The following OPCML variants were observed in gnomAD, a reference collection of about 807,000 sequenced individuals.
OPCML encodes the protein opioid-binding protein/cell adhesion molecule.
In OPCML, 13 loss-of-function variants were observed where a neutral mutation model predicts 37.8. That is an observed-to-expected ratio of 0.34 (90% CI 0.22 to 0.55). OPCML has a LOEUF of 0.55. Ranked by LOEUF, OPCML falls within the 20% of genes least tolerant of loss-of-function variation. OPCML has a pLI of 0.91. For missense variants in OPCML, 341 were observed against 435.6 expected (o/e 0.78, Z 1.93); for synonymous variants, 176 against 168.8 (o/e 1.04, Z -0.33).
At chr11:132,765,679 T>G (rs1003493345) in intron 2 of OPCML, among the ~76,000 whole-genome samples, 1 of 152,232 alleles carries the variant, frequency 6.6e-6, no homozygotes, top group African/African-American at 2.4e-5. Context: ...AATATGAGTG[T>G]GATGGTGATG....
At chr11:132,432,264 C>G (rs571280538) in intron 7 of OPCML, among the ~76,000 whole-genome samples, 1 of 152,172 alleles carries the variant, frequency 6.6e-6, no homozygotes, top group Non-Finnish European at 1.5e-5. Flanking sequence ...GTCTAGTACC[C>G]TGTACACAGT....
At chr11:133,092,213 G>T (rs1433783280) in intron 1 of OPCML, among the ~76,000 whole-genome samples, 1 of 152,128 alleles carries the variant, frequency 6.6e-6, no homozygotes, top group Non-Finnish European at 1.5e-5. Context: ...CCAACCTCTC[G>T]GCACCTTGTT....
chr11:133,456,710 A>G (rs1417221765), intron 1 of OPCML, among the ~76,000 whole-genome samples: 1 of 152,102 alleles, frequency 6.6e-6, no homozygotes, highest in East Asian at 1.9e-4. Flanking sequence ...AATAATATCA[A>G]CAAAGAGACA....
At chr11:133,281,264 A>G (rs1374547128) in intron 1 of OPCML, among the ~76,000 whole-genome samples, 1 of 151,938 alleles carries the variant, frequency 6.6e-6, no homozygotes, top group Non-Finnish European at 1.5e-5. Flanking sequence ...GCCTGGTGGG[A>G]GGGGTTTTGA....
At chr11:132,546,693 G>A (rs1281153963) in intron 3 of OPCML, among the ~76,000 whole-genome samples, 1 of 152,078 alleles carries the variant, frequency 6.6e-6, no homozygotes, top group Non-Finnish European at 1.5e-5. Context: ...TAAGCTATTC[G>A]TACTTCACCT....
intron 1 of OPCML, among the ~76,000 whole-genome samples, chr11:133,011,793 G>A (rs1379384213): frequency 6.6e-6 from 1 of 152,114 alleles, no homozygotes; most frequent in African/African-American, 2.4e-5. Flanking sequence ...CTAGCCCAGT[G>A]AGCTTATCTG....
intron 1 of OPCML, among the ~76,000 whole-genome samples, chr11:133,030,243 G>A (rs569237775): frequency 7.2e-5 from 11 of 152,300 alleles, no homozygotes; most frequent in Non-Finnish European, 1.3e-4. Flanking sequence ...GACCCAGAAG[G>A]CAAAGCTGAA....
intron 1 of OPCML, among the ~76,000 whole-genome samples, chr11:133,446,317 GAT>G (rs1399602861): frequency 6.6e-6 from 1 of 152,282 alleles, no homozygotes; most frequent in South Asian, 2.1e-4. Context: ...ACAAAAGTTA[GAT>G]ATTTGCAGGG....
intron 2 of OPCML, among the ~76,000 whole-genome samples, chr11:132,924,611 T>C (rs1373757886): frequency 6.6e-6 from 1 of 152,270 alleles, no homozygotes; most frequent in Non-Finnish European, 1.5e-5. Flanking sequence ...AGAAATTCAA[T>C]ATAATTCTTA....
At chr11:133,326,764 G>A (rs1943473797) in intron 1 of OPCML, among the ~76,000 whole-genome samples, 1 of 146,320 alleles carries the variant, frequency 6.8e-6, no homozygotes, top group South Asian at 2.2e-4. Flanking sequence ...GAGGGTGTGT[G>A]GGGCAGTGAG....
intron 1 of OPCML, among the ~76,000 whole-genome samples, chr11:133,058,320 A>G (rs2136981835): frequency 6.6e-6 from 1 of 152,280 alleles, no homozygotes; most frequent in South Asian, 2.1e-4. Flanking sequence ...GAAAGAAAGT[A>G]GCAAAAGGAG....
intron 1 of OPCML, among the ~76,000 whole-genome samples, chr11:133,088,153 G>A (rs1484611720): frequency 1.3e-5 from 2 of 152,134 alleles, no homozygotes. Context: ...AAGAGAAAGA[G>A]TACTATTACT....
intron 1 of OPCML, among the ~76,000 whole-genome samples, chr11:132,967,090 T>C (rs1044069717): frequency 7.9e-5 from 12 of 152,092 alleles, no homozygotes; most frequent in African/African-American, 2.9e-4. Flanking sequence ...TTTTTGTTCC[T>C]CTGTTTGTCG....
intron 2 of OPCML, among the ~76,000 whole-genome samples, chr11:132,702,105 T>C (rs1943850676): frequency 6.6e-6 from 1 of 152,348 alleles, no homozygotes; most frequent in South Asian, 2.1e-4. Context: ...TACACACCAC[T>C]CTTCTGTATT....
chr11:132,469,830 T>TG (rs1592222530), intron 4 of OPCML, among the ~76,000 whole-genome samples: 1 of 80,308 alleles, frequency 1.2e-5, no homozygotes, highest in Non-Finnish European at 2.5e-5. Context: ...TGTGTATGTG[T>TG]GTGGGGGGCT....
intron 2 of OPCML, among the ~76,000 whole-genome samples, chr11:132,896,502 G>A (rs912466367): frequency 1.3e-5 from 2 of 152,298 alleles, no homozygotes; most frequent in East Asian, 3.9e-4. Context: ...AATGGTACCT[G>A]GTATGCACCT....
At chr11:133,187,820 G>T (rs1199239001) in intron 1 of OPCML, among the ~76,000 whole-genome samples, 1 of 152,170 alleles carries the variant, frequency 6.6e-6, no homozygotes, top group African/African-American at 2.4e-5. Flanking sequence ...TTCCCATGAA[G>T]TACAGTGTAC....
intron 2 of OPCML, among the ~76,000 whole-genome samples, chr11:132,909,842 G>C (rs557739632): frequency 6.0e-4 from 91 of 152,304 alleles, no homozygotes; most frequent in African/African-American, 2.1e-3. Context: ...ATGTTAAGAG[G>C]CTTCTAGAAT....
intron 1 of OPCML, among the ~76,000 whole-genome samples, chr11:133,139,370 TC>T (rs143609268): frequency 0.032 from 4,828 of 152,206 alleles, 254 homozygotes; most frequent in African/African-American, 0.11. Context: ...ACATTAACCT[TC>T]CTGTAAGCTC....
Sources: gnomAD v4.1 joint callset for allele counts (sites outside exome capture counted in the v4.1 genomes callset) on GRCh38, gnomAD v4.1.1 for gene constraint, MANE v1.5 for transcripts, NCBI Gene and HGNC (gene_info 2026-07-23, HGNC 2026-07-21) for gene names.